The following PLXNA4 variants were observed in gnomAD, a reference collection of about 807,000 sequenced individuals.
PLXNA4 encodes the protein plexin-A4.
PLXNA4 carries 44 observed loss-of-function variants against 191.8 expected under a neutral mutation model. The observed-to-expected ratio is 0.23, with a 90% CI of 0.18 to 0.29. PLXNA4 has a LOEUF of 0.29. PLXNA4 is among the 10% of genes least tolerant of loss of function. The pLI is 1.00. For missense variants in PLXNA4, 1,800 were observed against 2,488.8 expected (o/e 0.72, Z 5.89); for synonymous variants, 1,082 against 1,009.5 (o/e 1.07, Z -1.36).
Position 132,179,820 on chromosome 7 carries a change from G to T in PLXNA4, c.3741C>A (p.Gly1247=). The change falls in exon 20 of 32, where the codon GGC becomes GGA. Residue 1247 remains glycine (G), a synonymous_variant. Coordinates refer to ENST00000321063, the MANE Select transcript of PLXNA4 (RefSeq NM_020911.2). ...PAIVSIAVAG[G]LLIIFIVAVL... Reference sequence around the variant, plus strand: ...CGGCCACGATGAAAATGATGAGGAGGCCGCCAGCCACTGCGATGCTGACGA... The same window carrying T: ...CGGCCACGATGAAAATGATGAGGAGTCCGCCAGCCACTGCGATGCTGACGA... 1 of 1,611,858 alleles carries T rather than the reference G, an allele frequency of 6.2e-7. No individual in the cohort carries two copies. Among genetic ancestry groups the T allele is most frequent in the South Asian group, 1.1e-5 (1 of 90,982 alleles).
intron 3 of PLXNA4, among the ~76,000 whole-genome samples, chr7:132,469,669 C>T (rs1796859391): frequency 6.6e-6 from 1 of 152,186 alleles, no homozygotes; most frequent in Admixed American, 6.5e-5. Flanking sequence ...TCCAATATAC[C>T]TCTGTGGTTT....
intron 13 of PLXNA4, 151 bp from the exon 14 acceptor site, chr7:132,194,330 A>G (rs764125890): frequency 9.5e-5 from 124 of 1,299,944 alleles, no homozygotes; most frequent in Non-Finnish European, 1.2e-4. Context: ...AATTCCTCCT[A>G]GCAGGGGCTT....
chr7:132,607,331 C>G (rs766360842), intron 2 of PLXNA4, among the ~76,000 whole-genome samples: 6 of 152,172 alleles, frequency 3.9e-5, no homozygotes, highest in Non-Finnish European at 8.8e-5. Context: ...CCTTCTCCCC[C>G]TCCTGCCTCA....
rs80347886 is a variant in PLXNA4 at position 132,324,264 on chromosome 7, G to A, written c.1372-26042C>T. On this transcript the variant is annotated intron_variant, in intron 3 of 31. Coordinates refer to ENST00000321063, the MANE Select transcript of PLXNA4 (RefSeq NM_020911.2). ...AAGAGAAAAATTTAAAAGATCTGCC[G>A]GTTTGACACTCACATGAAAATGTCC... Among the ~76,000 whole-genome samples, 376 of 152,174 alleles carry A rather than the reference G, an allele frequency of 2.5e-3. 11 individuals are homozygous for A. The East Asian group carries it at 0.054, about 22-fold the overall frequency.
intron 2 of PLXNA4, among the ~76,000 whole-genome samples, chr7:132,501,433 C>T (rs1798247064): frequency 6.6e-6 from 1 of 152,214 alleles, no homozygotes. Context: ...CTCCTGGCAG[C>T]AGTCTGCGTT....
chr7:132,568,294 C>T (rs916367192), intron 1 of PLXNA4, among the ~76,000 whole-genome samples: 1 of 152,156 alleles, frequency 6.6e-6, no homozygotes, highest in African/African-American at 2.4e-5. Flanking sequence ...GGAAGGCTGG[C>T]TGTTGCTTAG....
chr7:132,174,771 T>C lies in PLXNA4; in HGVS notation c.4017+7A>G, dbSNP rs752952139. ...CTCTAATGCCAGGATGGAGCACTGC[T>C]TCTCACCTCAAGGTCCCGGAGGACA... On this transcript the variant is annotated splice_region_variant and intron_variant, in intron 21 of 31. Transcript: ENST00000321063. The C allele has an allele frequency of 4.3e-6, 7 of 1,613,648 alleles. No homozygotes were observed. Among genetic ancestry groups the C allele is most frequent in the Middle Eastern group, 1.7e-4 (1 of 6,056 alleles).
rs775183639 is a variant in PLXNA4 at position 132,226,220 on chromosome 7, C to T, written c.1923G>A (p.Glu641=). 2.5e-6 allele frequency: 4 copies of T among 1,613,778 alleles called. No homozygotes were observed. In the African/African-American group the frequency reaches 4.0e-5, roughly 16 times the overall value. ...HVVQLQLKSK[E]TGMTFASTSF... Reference sequence around the variant, plus strand: ...TGGTGCTGGCGAAGGTCATGCCGGTCTCCTTTGATTTGAGCTGAAGCTGTA... The same window carrying T: ...TGGTGCTGGCGAAGGTCATGCCGGTTTCCTTTGATTTGAGCTGAAGCTGTA... The change falls in exon 8 of 32, where the codon GAG becomes GAA. Residue 641 remains glutamate (E), a synonymous_variant. Coordinates refer to ENST00000321063, the MANE Select transcript of PLXNA4 (RefSeq NM_020911.2).
chr7:132,420,347 G>C (rs1238548741), intron 3 of PLXNA4, among the ~76,000 whole-genome samples: 2 of 152,170 alleles, frequency 1.3e-5, no homozygotes, highest in Non-Finnish European at 2.9e-5. Context: ...CTGAGCTGCT[G>C]GTCCAGGGGA....
intron 3 of PLXNA4, among the ~76,000 whole-genome samples, chr7:132,375,897 G>A (rs77475434): frequency 1.3e-5 from 2 of 152,150 alleles, no homozygotes; most frequent in South Asian, 4.1e-4. Flanking sequence ...AAGGAAAAAG[G>A]CAAATAGGAG....
intron 4 of PLXNA4, among the ~76,000 whole-genome samples, chr7:132,288,019 CAAGATGATGGAT>C (rs1800748827): frequency 6.6e-6 from 1 of 152,174 alleles, no homozygotes; most frequent in Admixed American, 6.5e-5. Context: ...ACTGGAAAGT[CAAGATGATGGAT>C]AGTATCTCTT....
chr7:132,159,327 G>C (rs1160811321), intron 25 of PLXNA4, 146 bp downstream of exon 25: 2 of 1,340,268 alleles, frequency 1.5e-6, no homozygotes, highest in Non-Finnish European at 2.0e-6. Flanking sequence ...ATGGGCTCCT[G>C]CGGGGGTCCA....
At chr7:132,595,346 C>T (rs553559922) in intron 2 of PLXNA4, among the ~76,000 whole-genome samples, 23 of 152,266 alleles carry the variant, frequency 1.5e-4, no homozygotes, top group African/African-American at 5.3e-4. Flanking sequence ...ATGGCAGACT[C>T]GATTACACAG....
At chr7:132,233,831 G>A (rs1358765642) in intron 5 of PLXNA4, among the ~76,000 whole-genome samples, 1 of 151,440 alleles carries the variant, frequency 6.6e-6, no homozygotes, top group African/African-American at 2.5e-5. Context: ...GACCTTGGTA[G>A]CCATGCTTTG....
At chr7:132,161,776 T>TG (rs1313848617) in intron 24 of PLXNA4, among the ~76,000 whole-genome samples, 1 of 151,404 alleles carries the variant, frequency 6.6e-6, no homozygotes, top group Non-Finnish European at 1.5e-5. Context: ...AGCTCCCAGG[T>TG]GGGCATTTAG....
rs781659012 is a variant in PLXNA4 at position 132,182,078 on chromosome 7, C to G, written c.3252+19G>C. On this transcript the variant is annotated intron_variant, in intron 17 of 31. Transcript: ENST00000321063. ...GTTGCATGGGCAGCCTCCATGAACC[C>G]CATCAGCCCTACACTCACATTGATG... 6.2e-7 allele frequency: 1 copy of G among 1,614,122 alleles called. No homozygotes were observed. Among genetic ancestry groups the G allele is most frequent in the Admixed American group, 1.7e-5 (1 of 60,020 alleles).
At chr7:132,311,483 G>A (rs1034100196) in intron 3 of PLXNA4, among the ~76,000 whole-genome samples, 14 of 152,140 alleles carry the variant, frequency 9.2e-5, no homozygotes, top group African/African-American at 3.1e-4. Context: ...GCCAGTAAGT[G>A]GAGCACCACA....
intron 3 of PLXNA4, among the ~76,000 whole-genome samples, chr7:132,442,669 G>C (rs1455780595): frequency 6.6e-6 from 1 of 152,178 alleles, no homozygotes; most frequent in African/African-American, 2.4e-5. Context: ...TCTGTGCCCA[G>C]GCCCTGGGCT....
rs141611194 is a variant in PLXNA4, at chr7:132,408,159, G to A, written c.1371+81133C>T. 3.6e-3 allele frequency among the ~76,000 whole-genome samples: 554 copies of A among 152,232 alleles called. 2 individuals carry two copies. Among genetic ancestry groups the A allele is most frequent in the Non-Finnish European group, 6.1e-3 (415 of 68,026 alleles). Reference sequence around the variant, plus strand: ...TGGGTAAGTAAACTACAATGTATTTGCATAATAGAATATTAAGCAGATGTT... The same window carrying A: ...TGGGTAAGTAAACTACAATGTATTTACATAATAGAATATTAAGCAGATGTT... On this transcript the variant is annotated intron_variant, in intron 3 of 31. Transcript: ENST00000321063.
Sources: gnomAD v4.1 joint callset for allele counts (sites outside exome capture counted in the v4.1 genomes callset) on GRCh38, gnomAD v4.1.1 for gene constraint, MANE v1.5 for transcripts, NCBI Gene and HGNC (gene_info 2026-07-23, HGNC 2026-07-21) for gene names.